Variants in ADAMTS2 observed in about 807,000 individuals in gnomAD.
ADAMTS2 encodes the protein A disintegrin and metalloproteinase with thrombospondin motifs 2.
In ADAMTS2, 50 loss-of-function variants were observed where a neutral mutation model predicts 123.0. That is an observed-to-expected ratio of 0.41 (90% confidence interval 0.32 to 0.51). The LOEUF (loss-of-function observed/expected upper bound fraction) is 0.51, where lower values mean the gene tolerates loss of function less well. Ranked by LOEUF, ADAMTS2 falls within the 20% of genes least tolerant of loss-of-function variation. The probability of loss-of-function intolerance (pLI) is 0.35; values close to 1 mark genes in which losing one functional copy is unlikely to be tolerated. For synonymous variants in ADAMTS2, 678 were observed against 695.4 expected (o/e 0.98, Z 0.39); for missense variants, 1,494 against 1,705.2 (o/e 0.88, Z 2.18).
rs535933927 is a variant in ADAMTS2 at position 179,303,913 on chromosome 5, T to C, written c.535-30849A>G. Among the ~76,000 whole-genome samples the C allele has an allele frequency of 1.3e-5, 2 of 152,302 alleles. No individual in the cohort carries two copies. The highest frequency in any genetic ancestry group is 6.5e-5 in the Admixed American group (1 of 15,296). ...AGGAAACTGGACAGGGCTAGGAAGA[T>C]GGCAGAGACAGCAGAGCTTGGGGAA... On this transcript the variant is annotated intron_variant, in intron 2 of 21. Coordinates refer to ENST00000251582, the MANE Select transcript of ADAMTS2 (RefSeq NM_014244.5). This position sits in a 1 kb window ranked among gnomAD's most constrained non-coding sequence, Gnocchi z 4.7.
chr5:179,235,098 G>A lies in ADAMTS2; in HGVS notation c.689-27383C>T, dbSNP rs373943508. On this transcript the variant is annotated intron_variant, in intron 3 of 21. Coordinates refer to ENST00000251582, the MANE Select transcript of ADAMTS2 (RefSeq NM_014244.5). ...GTCTTCAAAACCCAGCTCCCAGCTCGTTAGGCCCGCAAAGAGAGCAAGTTA... is the reference window on the plus strand; with the variant it reads ...GTCTTCAAAACCCAGCTCCCAGCTCATTAGGCCCGCAAAGAGAGCAAGTTA... 3.2e-4 allele frequency among the ~76,000 whole-genome samples: 49 copies of A among 152,310 alleles called. No homozygotes were observed. In the South Asian group the frequency reaches 9.1e-3, roughly 28 times the overall value.
chr5:179,172,016 A>G (rs1299309497), intron 5 of ADAMTS2, among the ~76,000 whole-genome samples: 1 of 152,144 alleles, frequency 6.6e-6, no homozygotes, highest in East Asian at 1.9e-4. Flanking sequence ...AGCTGGTTCC[A>G]TCTGGAGTTA....
chr5:179,308,250 T>A lies in ADAMTS2; in HGVS notation c.535-35186A>T, dbSNP rs1285942825. ...AGGTGGGAAGACAGGCGCTGAGAGT[T>A]GTCTGACACAATTGTCTTAGCAGCA... On this transcript the variant is annotated intron_variant, in intron 2 of 21. Transcript: ENST00000251582. This position sits in a 1 kb window ranked among gnomAD's most constrained non-coding sequence, Gnocchi z 6.6. 6.6e-6 allele frequency among the ~76,000 whole-genome samples: 1 copy of A among 152,194 alleles called. No homozygotes were observed. The highest frequency in any genetic ancestry group is 1.5e-5 in the Non-Finnish European group (1 of 68,026).
At chr5:179,122,616 G>T in intron 20 of ADAMTS2, 28 bp downstream of exon 20, 1 of 1,548,144 alleles carries the variant, frequency 6.5e-7, no homozygotes, top group Non-Finnish European at 8.7e-7. Flanking sequence ...CATGCTGGGA[G>T]CAGGGGCAGG....
intron 2 of ADAMTS2, among the ~76,000 whole-genome samples, chr5:179,300,927 C>T (rs369627697): frequency 1.2e-4 from 18 of 152,268 alleles, no homozygotes; most frequent in African/African-American, 3.6e-4. Context: ...AATTAAAAGT[C>T]GGAGAGGTCC....
chr5:179,121,847 C>G, intron 20 of ADAMTS2, 97 bp from the exon 21 acceptor site: 2 of 837,928 alleles, frequency 2.4e-6, no homozygotes, highest in East Asian at 2.9e-5. Flanking sequence ...CCTGGGGAAG[C>G]GTCATTCAAG....
intron 2 of ADAMTS2, among the ~76,000 whole-genome samples, chr5:179,328,662 G>C (rs1405481690): frequency 6.6e-6 from 1 of 152,196 alleles, no homozygotes. Flanking sequence ...GAAAGAAGCA[G>C]GTCCCAGGTA....
At chr5:179,192,075 A>C (rs1764318490) in intron 4 of ADAMTS2, among the ~76,000 whole-genome samples, 1 of 152,180 alleles carries the variant, frequency 6.6e-6, no homozygotes, top group African/African-American at 2.4e-5. Context: ...GACTCAGGCC[A>C]GCCTCCCTAC....
At chr5:179,216,452 G>C (rs1465464304) in intron 3 of ADAMTS2, among the ~76,000 whole-genome samples, 1 of 151,556 alleles carries the variant, frequency 6.6e-6, no homozygotes. Flanking sequence ...GCAGGCCGTG[G>C]CGAGCTTAGA....
intron 10 of ADAMTS2, among the ~76,000 whole-genome samples, chr5:179,144,856 G>A (rs4701057): frequency 0.38 from 57,919 of 151,990 alleles, 11,123 homozygotes; most frequent in Middle Eastern, 0.51. Context: ...CAAAAGCACA[G>A]GTGATAAAAG....
chr5:179,341,554 TA>T (rs1248546490), intron 2 of ADAMTS2, among the ~76,000 whole-genome samples: 5 of 146,082 alleles, frequency 3.4e-5, no homozygotes, highest in African/African-American at 1.0e-4. Flanking sequence ...AAAAAAAAAA[TA>T]AAAAAAAATT....
chr5:179,120,838 C>G (rs1463055797), intron 21 of ADAMTS2: 4 of 152,368 alleles, frequency 2.6e-5, no homozygotes, highest in South Asian at 4.1e-4. Context: ...CTCCCCTACA[C>G]CTTCCCTGCC....
rs1292498425 is a variant in ADAMTS2, at chr5:179,170,039, C to A, written c.975+11033G>T. On this transcript the variant is annotated intron_variant, in intron 5 of 21. Transcript: ENST00000251582. The surrounding 1 kb of genome is among the most constrained non-coding windows in gnomAD (Gnocchi z 4.3). ...AATTGAAAAGCCAGTTGCTATGCAA[C>A]CTCAAGTGTTGCCGATGCTCTGCTC... 1.3e-5 allele frequency among the ~76,000 whole-genome samples: 2 copies of A among 152,162 alleles called. No individual in the cohort carries two copies. The highest frequency in any genetic ancestry group is 2.9e-5 in the Non-Finnish European group (2 of 68,030).
At chr5:179,143,428 CG>C (rs554336879) in intron 10 of ADAMTS2, among the ~76,000 whole-genome samples, 80 of 115,696 alleles carry the variant, frequency 6.9e-4, no homozygotes, top group African/African-American at 2.7e-3. Context: ...GACTCTGTCT[CG>C]AAAAAAAAAA....
chr5:179,128,495 C>A lies in ADAMTS2; in HGVS notation c.2458-377G>T, dbSNP rs1274480640. On this transcript the variant is annotated intron_variant, in intron 16 of 21. Transcript: ENST00000251582. The surrounding 1 kb of genome is among the most constrained non-coding windows in gnomAD (Gnocchi z 4.9). ...GCAACCTCCGCCTCCCAGGTTCAAGCGATTCTCCTGCCTCAGCCTCCTGAG... is the reference window on the plus strand; with the variant it reads ...GCAACCTCCGCCTCCCAGGTTCAAGAGATTCTCCTGCCTCAGCCTCCTGAG... 6.6e-6 allele frequency among the ~76,000 whole-genome samples: 1 copy of A among 152,126 alleles called. No individual in the cohort carries two copies. Among genetic ancestry groups the A allele is most frequent in the African/African-American group, 2.4e-5 (1 of 41,438 alleles).
At chr5:179,265,617 C>A (rs1365917609) in intron 3 of ADAMTS2, among the ~76,000 whole-genome samples, 1 of 152,214 alleles carries the variant, frequency 6.6e-6, no homozygotes, top group Non-Finnish European at 1.5e-5. Context: ...GGGAGCTGGC[C>A]CCTCCTGCTC....
intron 6 of ADAMTS2, 36 bp from the exon 7 acceptor site, chr5:179,154,955 A>G (rs1182596550): frequency 3.8e-6 from 6 of 1,586,872 alleles, no homozygotes; most frequent in African/African-American, 2.7e-5. Flanking sequence ...AGATGCTGCC[A>G]TAGCCTGGCC....
At chr5:179,321,628 G>A (rs1757181761) in intron 2 of ADAMTS2, among the ~76,000 whole-genome samples, 1 of 143,024 alleles carries the variant, frequency 7.0e-6, no homozygotes. Context: ...TTCCTTTGGT[G>A]CCCGCCCACC....
rs1278670155 is a variant in ADAMTS2, at chr5:179,188,617, C to T, written c.892-7462G>A. Among the ~76,000 whole-genome samples the T allele has an allele frequency of 1.3e-5, 2 of 152,144 alleles. No homozygotes were observed. The highest frequency in any genetic ancestry group is 4.1e-4 in the South Asian group (2 of 4,822). ...TCAAACTACCATGAAACGGAAATGGCCAGGATCAGAATTACTAGGCTCAGT... is the reference window on the plus strand; with the variant it reads ...TCAAACTACCATGAAACGGAAATGGTCAGGATCAGAATTACTAGGCTCAGT... On this transcript the variant is annotated intron_variant, in intron 4 of 21. Coordinates refer to ENST00000251582, the MANE Select transcript of ADAMTS2 (RefSeq NM_014244.5). This position sits in a 1 kb window ranked among gnomAD's most constrained non-coding sequence, Gnocchi z 5.1.
Sources: allele counts gnomAD v4.1 joint callset (sites outside exome capture counted in the v4.1 genomes callset), GRCh38; gene constraint gnomAD v4.1.1; non-coding constraint Gnocchi (gnomAD v3.1); transcripts MANE v1.5; gene names NCBI Gene and HGNC (gene_info 2026-07-23, HGNC 2026-07-21).